SEPSECS: variants seen among roughly 807,000 people sequenced by gnomAD.
SEPSECS encodes O-phosphoseryl-tRNA(Sec) selenium transferase.
SEPSECS carries 42 observed loss-of-function variants against 52.1 expected under a neutral mutation model. That is an observed-to-expected ratio of 0.81 (90% CI 0.63 to 1.04). The LOEUF (loss-of-function observed/expected upper bound fraction) is 1.04. Among genes scored for constraint, SEPSECS ranks in the 50% least tolerant of loss-of-function variants. SEPSECS has a pLI of 0.00. For synonymous variants in SEPSECS, 216 were observed against 211.4 expected, an observed-to-expected ratio of 1.02 and a Z score of -0.19; for missense variants, 590 against 610.6, an observed-to-expected ratio of 0.97 and a Z score of 0.36.
chr4:25,149,990 T>C (rs986495965), intron 6 of SEPSECS, among the ~76,000 whole-genome samples: 2 of 152,236 alleles, frequency 1.3e-5, no homozygotes, highest in South Asian at 2.1e-4. Context: ...CATTTCCTTA[T>C]TGGTTTAAGC....
At chr4:25,134,586 T>G (rs1728756703) in intron 8 of SEPSECS, among the ~76,000 whole-genome samples, 1 of 152,080 alleles carries the variant, frequency 6.6e-6, no homozygotes, top group Non-Finnish European at 1.5e-5. Flanking sequence ...AAGGACCAAG[T>G]TTCATTTCAG....
intron 5 of SEPSECS, among the ~76,000 whole-genome samples, chr4:25,153,674 T>G (rs1017775179): frequency 6.6e-6 from 1 of 151,838 alleles, no homozygotes; most frequent in African/African-American, 2.4e-5. Flanking sequence ...ATGAAGCCAA[T>G]GTAAAAAAAA....
Position 25,145,144 on chromosome 4 carries a change from T to A in SEPSECS, c.805-11A>T. On this transcript the variant is annotated splice_polypyrimidine_tract_variant and intron_variant, in intron 6 of 10. Coordinates refer to ENST00000382103, the MANE Select transcript of SEPSECS (RefSeq NM_016955.4). ...ACCAACTCGAGCCCCCTGGAATCAA[T>A]ATGATATTACATATTAGTTGCTAGG... 1 of 1,613,654 alleles carries A rather than the reference T, an allele frequency of 6.2e-7. No individual in the cohort carries two copies.
At chr4:25,125,646 T>A in intron 10 of SEPSECS, 48 bp downstream of exon 10, 1 of 1,229,222 alleles carries the variant, frequency 8.1e-7, no homozygotes, top group East Asian at 2.4e-5. Context: ...TTACTGGAGT[T>A]AAGTTTGAAA....
rs369837636 is a variant in SEPSECS at position 25,128,885 on chromosome 4, T to C, written c.1027-1528A>G. On this transcript the variant is annotated intron_variant, in intron 8 of 10. Coordinates refer to ENST00000382103, the MANE Select transcript of SEPSECS (RefSeq NM_016955.4). ...CCACACTGAGTCCCAGAGGAATTTT[T>C]TTCATGTCTGAAGCACACAGATGAC... Among the ~76,000 whole-genome samples the C allele has an allele frequency of 6.6e-5, 10 of 152,156 alleles. No homozygotes were observed. The East Asian group carries it at 1.5e-3, about 23-fold the overall frequency.
At position 25,123,999 on chromosome 4, in the gene SEPSECS, C is replaced by T. The variant is rs755019680; in HGVS notation, c.1438G>A (p.Asp480Asn). ...DDNYDKTEDV[D>N]IEEMALKLDN... is the part of the protein sequence containing the mutation. Reference sequence around the variant, plus strand: ...AGTTTTAAAGCCATTTCTTCAATATCCACATCTTCAGTTTTGTCATAATTG... The same window carrying T: ...AGTTTTAAAGCCATTTCTTCAATATTCACATCTTCAGTTTTGTCATAATTG... Residue 480 changes from aspartate (D) to asparagine (N), a missense_variant, in exon 11 of 11, where the codon GAT becomes AAT. Physicochemically the swap from Asp to Asn is conservative, Grantham distance 23. Transcript: ENST00000382103. The T allele has an allele frequency of 2.5e-6, 4 of 1,613,424 alleles. No individual in the cohort carries two copies. Among genetic ancestry groups the T allele is most frequent in the Middle Eastern group, 1.7e-4 (1 of 6,058 alleles).
At chr4:25,143,348 C>T (rs28404798) in intron 8 of SEPSECS, among the ~76,000 whole-genome samples, 77,486 of 152,062 alleles carry the variant, frequency 0.51, 20,233 homozygotes, top group Non-Finnish European at 0.54. Flanking sequence ...GTTCCCTCCC[C>T]AATCCCTACC....
intron 2 of SEPSECS, 63 bp from the exon 3 acceptor site, chr4:25,157,037 C>A: frequency 1.1e-6 from 1 of 893,684 alleles, no homozygotes; most frequent in East Asian, 2.4e-5. Context: ...ATACAATGTA[C>A]AAATATGCAA....
intron 6 of SEPSECS, 88 bp from the exon 7 acceptor site, chr4:25,145,221 T>A: frequency 7.4e-7 from 1 of 1,352,402 alleles, no homozygotes. Flanking sequence ...AAATTATAAC[T>A]ATTTGAGTTA....
rs886059353 is a variant in SEPSECS, at chr4:25,123,819, A to G, written c.*112T>C. 47 of 956,798 alleles carry G rather than the reference A, an allele frequency of 4.9e-5. No individual in the cohort carries two copies. Among genetic ancestry groups the G allele is most frequent in the Middle Eastern group, 6.1e-4 (2 of 3,256 alleles). 59.3% of individuals were successfully genotyped at this position (956,798 alleles called of 1,614,324 possible). On this transcript the variant is annotated 3_prime_UTR_variant, in exon 11 of 11. Coordinates refer to ENST00000382103, the MANE Select transcript of SEPSECS (RefSeq NM_016955.4). ...AGACCAAAGTCTGCTCCTTGACTGA[A>G]TATTCCCATGAAATTCTCAATTCAA...
At chr4:25,154,020 T>G (rs1260844603) in intron 5 of SEPSECS, among the ~76,000 whole-genome samples, 1 of 152,078 alleles carries the variant, frequency 6.6e-6, no homozygotes, top group Non-Finnish European at 1.5e-5. Flanking sequence ...CATTAAAAAT[T>G]TTATAGCTAT....
intron 1 of SEPSECS, 124 bp from the exon 2 acceptor site, chr4:25,159,231 G>A: frequency 1.2e-6 from 1 of 828,758 alleles, no homozygotes; most frequent in Non-Finnish European, 1.8e-6. Flanking sequence ...TAAAATTCAA[G>A]CATAAATTCA....
At chr4:25,149,648 C>G (rs1712185815) in intron 6 of SEPSECS, among the ~76,000 whole-genome samples, 1 of 151,632 alleles carries the variant, frequency 6.6e-6, no homozygotes, top group Non-Finnish European at 1.5e-5. Context: ...TTTAGTAATA[C>G]TGATGGTATT....
chr4:25,152,179 C>T (rs1034340123), intron 5 of SEPSECS, 117 bp from the exon 6 acceptor site: 37 of 647,448 alleles, frequency 5.7e-5, no homozygotes, highest in African/African-American at 1.8e-4. Flanking sequence ...AGGAAAAAAA[C>T]GACAAACACT....
intron 5 of SEPSECS, among the ~76,000 whole-genome samples, chr4:25,154,653 G>A (rs1712508628): frequency 6.6e-6 from 1 of 151,836 alleles, no homozygotes; most frequent in Admixed American, 6.6e-5. Context: ...ATGAAAAGAA[G>A]TAAACCCAAC....
At chr4:25,144,125 G>A (rs1249760720) in intron 8 of SEPSECS, among the ~76,000 whole-genome samples, 1 of 152,046 alleles carries the variant, frequency 6.6e-6, no homozygotes, top group African/African-American at 2.4e-5. Flanking sequence ...TGGATCACGA[G>A]GTCAGGAGTT....
At position 25,144,806 on chromosome 4, in the gene SEPSECS, T is replaced by C. The variant is rs1266283735; in HGVS notation, c.994A>G (p.Asn332Asp). ...TCTTTTAGTAGCTTCTTATAGCCAT[T>C]TGATCCAAGTGACAATAAAGTAATA... ...VLITLLSLGS[N>D]GYKKLLKERK... The change falls in exon 8 of 11, where the codon AAT becomes GAT. Residue 332 changes from asparagine to aspartate, a missense_variant. Physicochemically the swap from Asn to Asp is conservative, Grantham distance 23 (BLOSUM62 1). Coordinates refer to ENST00000382103, the MANE Select transcript of SEPSECS (RefSeq NM_016955.4). The C allele has an allele frequency of 1.2e-6, 2 of 1,613,034 alleles. No individual in the cohort carries two copies. Among genetic ancestry groups the C allele is most frequent in the African/African-American group, 2.7e-5 (2 of 74,778 alleles).
At chr4:25,158,296 T>C (rs1309697147) in intron 2 of SEPSECS, among the ~76,000 whole-genome samples, 1 of 152,214 alleles carries the variant, frequency 6.6e-6, no homozygotes, top group East Asian at 1.9e-4. Flanking sequence ...TTCATTATAA[T>C]GTAAAAGCAT....
chr4:25,123,682 C>A lies in SEPSECS; in HGVS notation c.*249G>T. ...TATCTGAGTCATGATGCTTAATTGACAGATATTCTAACAATTAGAAAAATG... is the reference window on the plus strand; with the variant it reads ...TATCTGAGTCATGATGCTTAATTGAAAGATATTCTAACAATTAGAAAAATG... On this transcript the variant is annotated 3_prime_UTR_variant, in exon 11 of 11. Coordinates refer to ENST00000382103, the MANE Select transcript of SEPSECS (RefSeq NM_016955.4). The A allele has an allele frequency of 2.0e-6, 1 of 495,704 alleles. No individual in the cohort carries two copies. The highest frequency in any genetic ancestry group is 2.5e-5 in the South Asian group (1 of 39,926). 30.7% of individuals were successfully genotyped at this position (495,704 alleles called of 1,614,324 possible). A position where few individuals can be genotyped will look rare whatever the true frequency, so the allele number is the denominator to read the frequency against.
Sources: gnomAD v4.1 joint callset for allele counts (sites outside exome capture counted in the v4.1 genomes callset) on GRCh38, gnomAD v4.1.1 for gene constraint, MANE v1.5 for transcripts, NCBI Gene and HGNC (gene_info 2026-07-23, HGNC 2026-07-21) for gene names.